Variants in LANCL1 observed in about 807,000 individuals in gnomAD.
LANCL1 encodes glutathione S-transferase LANCL1.
A neutral mutation model predicts 50.6 loss-of-function variants in LANCL1; 50 were observed. The ratio of observed to expected loss-of-function variants is 0.99; its 90% confidence interval spans 0.79 to 1.25. The LOEUF (loss-of-function observed/expected upper bound fraction) is 1.25, where lower values mean the gene tolerates loss of function less well. Ranked by LOEUF, LANCL1 falls within the 50% of genes most tolerant of loss-of-function variation. The probability of loss-of-function intolerance (pLI) is 0.00; values close to 1 mark genes in which losing one functional copy is unlikely to be tolerated. For missense variants in LANCL1, 532 were observed against 480.7 expected (o/e 1.11, Z -1.00); for synonymous variants, 188 against 178.6 (o/e 1.05, Z -0.42).
Position 210,471,976 on chromosome 2 carries a change from C to T in LANCL1, c.182G>A (p.Gly61Asp). Reference sequence around the variant, plus strand: ...CTTCATACCTGCCCAGCCAGTGTAACCGGTGCCATCCCGAGGGTCTGCTGA... The same window carrying T: ...CTTCATACCTGCCCAGCCAGTGTAATCGGTGCCATCCCGAGGGTCTGCTGA... ...LKSADPRDGTGYTGWAGIAVL... is the reference protein window; with the variant it reads ...LKSADPRDGTDYTGWAGIAVL... The change falls in exon 3 of 10, where the codon GGT becomes GAT. Residue 61 changes from glycine to aspartate, a missense_variant. Physicochemically the swap from Gly to Asp is moderately conservative, Grantham distance 94 (BLOSUM62 -1). Transcript: ENST00000450366. 1 of 1,613,094 alleles carries T rather than the reference C, an allele frequency of 6.2e-7. No individual in the cohort carries two copies. Among genetic ancestry groups the T allele is most frequent in the Non-Finnish European group, 8.5e-7 (1 of 1,178,998 alleles).
intron 2 of LANCL1, 112 bp downstream of exon 2, chr2:210,476,204 G>A: frequency 1.7e-6 from 1 of 596,236 alleles, no homozygotes; most frequent in Non-Finnish European, 3.0e-6. Flanking sequence ...ATTTATCGTC[G>A]AATCATGTAT....
intron 5 of LANCL1, 28 bp from the exon 6 acceptor site, chr2:210,440,772 C>T (rs1265589142): frequency 1.9e-6 from 3 of 1,599,688 alleles, no homozygotes; most frequent in Non-Finnish European, 1.7e-6. Context: ...ACCAAAATAA[C>T]AAGTTAACTG....
At chr2:210,458,205 G>A (rs1307815916) in intron 3 of LANCL1, among the ~76,000 whole-genome samples, 3 of 152,078 alleles carry the variant, frequency 2.0e-5, no homozygotes, top group Admixed American at 1.3e-4. Context: ...ACCAGTCCAT[G>A]GATTGCCTAC....
At chr2:210,437,414 T>C (rs541943705) in intron 7 of LANCL1, among the ~76,000 whole-genome samples, 1 of 152,288 alleles carries the variant, frequency 6.6e-6, no homozygotes, top group South Asian at 2.1e-4. Context: ...GTTTTGGTTC[T>C]TTCGAGTACA....
At chr2:210,473,145 G>A (rs1304370406) in intron 2 of LANCL1, among the ~76,000 whole-genome samples, 2 of 152,202 alleles carry the variant, frequency 1.3e-5, no homozygotes, top group Non-Finnish European at 2.9e-5. Flanking sequence ...GGAGGCCGAG[G>A]TGGGCGGATA....
chr2:210,434,381 C>T lies in LANCL1; in HGVS notation c.*106G>A, dbSNP rs1574408784. Reference sequence around the variant, plus strand: ...CTGAAAAAAGCTAACAAAATCAAGTCCACAGTTTGACTCTTTGTTTCCTTG... The same window carrying T: ...CTGAAAAAAGCTAACAAAATCAAGTTCACAGTTTGACTCTTTGTTTCCTTG... On this transcript the variant is annotated 3_prime_UTR_variant, in exon 10 of 10. Transcript: ENST00000450366. The T allele has an allele frequency of 2.7e-6, 2 of 746,580 alleles. No homozygotes were observed. The highest frequency in any genetic ancestry group is 2.7e-5 in the East Asian group (1 of 36,986). 46.2% of individuals were successfully genotyped at this position (746,580 alleles called of 1,614,324 possible). A position where few individuals can be genotyped will look rare whatever the true frequency, so the allele number is the denominator to read the frequency against.
chr2:210,477,528 C>T, upstream of LANCL1: 4 of 1,304,112 alleles, frequency 3.1e-6, no homozygotes, highest in Non-Finnish European at 2.9e-6. Context: ...CTCTCCTTTT[C>T]CTTCTCTCCG....
chr2:210,435,393 A>G lies in LANCL1; in HGVS notation c.1117T>C (p.Phe373Leu), dbSNP rs1053275351. The change falls in exon 9 of 10, where the codon TTT becomes CTT. Residue 373 changes from phenylalanine (F) to leucine (L), a missense_variant. Physicochemically the swap from Phe to Leu is conservative, Grantham distance 22. Transcript: ENST00000450366. ...AATAAAGTGTACAAAATACCTTCAA[A>G]GAGAGAGAAAGGGGTGTCTGGTGTT... ...CRTPDTPFSL[F>L]EGMAGTIYFL... is the part of the protein sequence containing the mutation. 1 of 1,610,044 alleles carries G rather than the reference A, an allele frequency of 6.2e-7. No individual in the cohort carries two copies. Among genetic ancestry groups the G allele is most frequent in the Non-Finnish European group, 8.5e-7 (1 of 1,176,356 alleles).
chr2:210,476,427 A>T lies in LANCL1; in HGVS notation c.-16-15T>A, dbSNP rs781719483. On this transcript the variant is annotated splice_polypyrimidine_tract_variant and intron_variant, in intron 1 of 9. Coordinates refer to ENST00000450366, the MANE Select transcript of LANCL1 (RefSeq NM_006055.3). ...CGGAAGCAAGCCTGCAGAACAGGGGAAAAACAGAAACTAGGTTGAGATAGG... is the reference window on the plus strand; with the variant it reads ...CGGAAGCAAGCCTGCAGAACAGGGGTAAAACAGAAACTAGGTTGAGATAGG... 3 of 1,608,268 alleles carry T rather than the reference A, an allele frequency of 1.9e-6. No homozygotes were observed. Among genetic ancestry groups the T allele is most frequent in the Non-Finnish European group, 2.5e-6 (3 of 1,177,386 alleles).
chr2:210,471,954 C>T lies in LANCL1; in HGVS notation c.199+5G>A. The T allele has an allele frequency of 1.2e-6, 2 of 1,601,238 alleles. No individual in the cohort carries two copies. The highest frequency in any genetic ancestry group is 1.7e-6 in the Non-Finnish European group (2 of 1,168,200). On this transcript the variant is annotated splice_donor_5th_base_variant and intron_variant, in intron 3 of 9. Transcript: ENST00000450366. ...TTATGCCAGCTCACAGTCAGCACTT[C>T]ATACCTGCCCAGCCAGTGTAACCGG...
chr2:210,461,525 G>A (rs1693859579), intron 3 of LANCL1, among the ~76,000 whole-genome samples: 2 of 152,092 alleles, frequency 1.3e-5, no homozygotes, highest in African/African-American at 4.8e-5. Context: ...CTATACATTT[G>A]GTAGATCAGA....
chr2:210,452,927 T>C (rs182254819), intron 4 of LANCL1, among the ~76,000 whole-genome samples: 102 of 152,232 alleles, frequency 6.7e-4, no homozygotes, highest in African/African-American at 2.3e-3. Flanking sequence ...TAGTAAAAAG[T>C]TAAAGGAGGT....
intron 3 of LANCL1, among the ~76,000 whole-genome samples, chr2:210,464,214 T>C (rs1303654200): frequency 6.6e-6 from 1 of 152,214 alleles, no homozygotes; most frequent in East Asian, 1.9e-4. Flanking sequence ...TATCAGACCA[T>C]CTACATACTA....
At chr2:210,453,259 A>C (rs1163225428) in intron 4 of LANCL1, among the ~76,000 whole-genome samples, 3 of 152,196 alleles carry the variant, frequency 2.0e-5, no homozygotes. Context: ...CAAAAATCTT[A>C]GCATACTCTT....
intron 3 of LANCL1, among the ~76,000 whole-genome samples, chr2:210,461,193 G>A (rs957811507): frequency 5.9e-5 from 9 of 151,824 alleles, no homozygotes; most frequent in African/African-American, 2.2e-4. Flanking sequence ...CCCAATGGTG[G>A]TGTCTAAACT....
rs375077457 is a variant in LANCL1 at position 210,437,812 on chromosome 2, C to G, written c.751G>C (p.Val251Leu). 1.9e-6 allele frequency: 3 copies of G among 1,613,388 alleles called. No individual in the cohort carries two copies. The highest frequency in any genetic ancestry group is 2.5e-6 in the Non-Finnish European group (3 of 1,179,748). The change falls in exon 7 of 10, where the codon GTC becomes CTC. Residue 251 changes from valine (V) to leucine (L), a missense_variant. Val to Leu is a conservative substitution (Grantham distance 32). Transcript: ENST00000450366. Reference protein sequence around the residue: ...HSLVKPSVDYVCQLKFPSGNY... With the variant: ...HSLVKPSVDYLCQLKFPSGNY... ...CCAGAAGGGAATTTCAGCTGGCAGA[C>G]GTAGTCTACACTGGGCTTGACCAAA...
chr2:210,440,028 T>C (rs1378313097), intron 6 of LANCL1, among the ~76,000 whole-genome samples: 2 of 152,202 alleles, frequency 1.3e-5, no homozygotes, highest in African/African-American at 4.8e-5. Context: ...TGCAGTAAAT[T>C]CTATCTGTCT....
At chr2:210,466,249 C>T (rs1331659112) in intron 3 of LANCL1, among the ~76,000 whole-genome samples, 1 of 152,174 alleles carries the variant, frequency 6.6e-6, no homozygotes, top group South Asian at 2.1e-4. Context: ...TTGCCCCAAA[C>T]AGGTCTCTAA....
In LANCL1 at chr2:210,476,368, T is replaced by C. The variant is rs370376380; in HGVS notation, c.29A>G (p.Tyr10Cys). 1.4e-5 allele frequency: 22 copies of C among 1,613,924 alleles called. No homozygotes were observed. The African/African-American group carries it at 2.4e-4, about 18-fold the overall frequency. ...GGCCAGGGATTTGTTATAATCAGCA[T>C]AAGGATTCGGGAAGGCCCTTTGAGC... Reference protein sequence around the residue: MAQRAFPNPYADYNKSLAEG... With the variant: MAQRAFPNPCADYNKSLAEG... Residue 10 changes from tyrosine to cysteine, a missense_variant, in exon 2 of 10, where the codon TAT becomes TGT. Physicochemically the swap from Tyr to Cys is radical, Grantham distance 194. Coordinates refer to ENST00000450366, the MANE Select transcript of LANCL1 (RefSeq NM_006055.3).
Sources: allele counts gnomAD v4.1 joint callset (sites outside exome capture counted in the v4.1 genomes callset), GRCh38; gene constraint gnomAD v4.1.1; transcripts MANE v1.5; gene names NCBI Gene and HGNC (gene_info 2026-07-23, HGNC 2026-07-21).